The following CTSH variants were observed in gnomAD, a reference collection of about 807,000 sequenced individuals.
CTSH encodes the protein cathepsin H.
CTSH carries 52 observed loss-of-function variants against 56.3 expected under a neutral mutation model. The ratio of observed to expected loss-of-function variants is 0.92; its 90% confidence interval spans 0.74 to 1.16. The LOEUF (loss-of-function observed/expected upper bound fraction) is 1.16. Among genes scored for constraint, CTSH ranks in the 50% most tolerant of loss-of-function variants. CTSH has a pLI of 0.00. For missense variants in CTSH, 406 were observed against 424.5 expected (o/e 0.96, Z 0.38); for synonymous variants, 174 against 155.7 (o/e 1.12, Z -0.88).
chr15:78,944,848 AGGGCCTGCTAGCACCCTCTC>A (rs1212912845), intron 1 of CTSH, 23 bp downstream of exon 1: 6 of 1,535,676 alleles, frequency 3.9e-6, no homozygotes, highest in Non-Finnish European at 8.8e-7. Flanking sequence ...CGTCCACTCT[AGGGCCTGCTAGCACCCTCTC>A]GGGCGGCGCG....
intron 1 of CTSH, 121 bp downstream of exon 1, chr15:78,944,770 C>A: frequency 7.2e-7 from 1 of 1,384,224 alleles, no homozygotes; most frequent in Non-Finnish European, 9.4e-7. Context: ...GAGTTCCTGG[C>A]CTCTCACCGG....
intron 10 of CTSH, among the ~76,000 whole-genome samples, chr15:78,923,625 G>C (rs1462243044): frequency 6.6e-6 from 1 of 152,122 alleles, no homozygotes; most frequent in African/African-American, 2.4e-5. Flanking sequence ...TCTGTCAGGA[G>C]AATCTCCATA....
At chr15:78,935,803 GAAGA>G in intron 3 of CTSH, 53 bp from the exon 4 acceptor site, 1 of 1,334,080 alleles carries the variant, frequency 7.5e-7, no homozygotes. Context: ...AATCACTAAT[GAAGA>G]AACAAGAAAA....
At chr15:78,937,863 T>G in intron 2 of CTSH, 1 of 1,208,844 alleles carries the variant, frequency 8.3e-7, no homozygotes, top group Non-Finnish European at 1.1e-6. Flanking sequence ...GATATATAAC[T>G]GATGTACTTT....
At chr15:78,930,190 T>C (rs1256697164) in intron 7 of CTSH, among the ~76,000 whole-genome samples, 1 of 152,206 alleles carries the variant, frequency 6.6e-6, no homozygotes, top group Non-Finnish European at 1.5e-5. Context: ...GTTGTATGAA[T>C]GAGAAAAGGA....
intron 8 of CTSH, among the ~76,000 whole-genome samples, chr15:78,929,133 G>C (rs958111883): frequency 2.0e-5 from 3 of 152,126 alleles, no homozygotes; most frequent in South Asian, 2.1e-4. Flanking sequence ...GGGGCAGGTG[G>C]GGGGAAGGAG....
Position 78,932,450 on chromosome 15 carries a change from G to A in CTSH, c.414C>T (p.Cys138=), listed in dbSNP as rs776428294. The A allele has an allele frequency of 6.2e-6, 10 of 1,613,544 alleles. No homozygotes were observed. The highest frequency in any genetic ancestry group is 5.0e-5 in the Admixed American group (3 of 59,998). Residue 138 remains cysteine (C), a synonymous_variant, in exon 6 of 12, where the codon TGC becomes TGT. Transcript: ENST00000220166. The part of the protein sequence containing the change: ...FVSPVKNQGA[C]GSCWTFSTTG... Reference sequence around the variant, plus strand: ...TGGTGGAGAAAGTCCAGCAACTGCCGCAGGCACCCTGGAAAGGCCAGGGGA... The same window carrying A: ...TGGTGGAGAAAGTCCAGCAACTGCCACAGGCACCCTGGAAAGGCCAGGGGA...
chr15:78,939,036 T>C, intron 2 of CTSH, 104 bp downstream of exon 2: 4 of 1,093,920 alleles, frequency 3.7e-6, no homozygotes, highest in Non-Finnish European at 5.4e-6. Flanking sequence ...CTAGGCAAAG[T>C]TGGAAATTCC....
At chr15:78,931,739 G>A in intron 6 of CTSH, 2 of 1,428,708 alleles carry the variant, frequency 1.4e-6, no homozygotes, top group African/African-American at 2.9e-5. Context: ...GCCAGGGAAG[G>A]TGAGAGGGGG....
At chr15:78,933,310 C>A (rs1321923882) in intron 5 of CTSH, among the ~76,000 whole-genome samples, 2 of 152,226 alleles carry the variant, frequency 1.3e-5, no homozygotes, top group Non-Finnish European at 2.9e-5. Context: ...GGCGAGGGTT[C>A]CTGCTTGCAG....
chr15:78,934,921 G>A, intron 5 of CTSH, 57 bp downstream of exon 5: 1 of 1,098,722 alleles, frequency 9.1e-7, no homozygotes, highest in Non-Finnish European at 1.4e-6. Flanking sequence ...TCTTCCTGGT[G>A]TATTGTCTGG....
chr15:78,925,343 A>G lies in CTSH; in HGVS notation c.797T>C (p.Ile266Thr), dbSNP rs747159161. 1 of 1,609,504 alleles carries G rather than the reference A, an allele frequency of 6.2e-7. No homozygotes were observed. Among genetic ancestry groups the G allele is most frequent in the Non-Finnish European group, 8.5e-7 (1 of 1,175,940 alleles). Residue 266 changes from isoleucine (I) to threonine (T), a missense_variant, in exon 10 of 12, where the codon ATC (isoleucine) becomes ACC (threonine). Ile to Thr is a moderately conservative substitution (Grantham distance 89). Coordinates refer to ENST00000220166, the MANE Select transcript of CTSH (RefSeq NM_004390.5). ...TQDFMMYRTG[I>T]YSSTSCHKTP... ...TGGGACCCTGACTCACCTGGAGTAG[A>G]TGCCGGTTCTATACATCATGAAGTC...
At chr15:78,926,334 A>T (rs1236789734) in intron 9 of CTSH, 1 of 152,568 alleles carries the variant, frequency 6.6e-6, no homozygotes, top group East Asian at 1.9e-4. Flanking sequence ...TGGTATGTGG[A>T]CAAGGCCTTG....
At chr15:78,942,932 T>C (rs1463425588) in intron 1 of CTSH, among the ~76,000 whole-genome samples, 9 of 152,208 alleles carry the variant, frequency 5.9e-5, no homozygotes, top group Admixed American at 5.9e-4. Context: ...CCGTTTTCCC[T>C]GGGGAAAATG....
chr15:78,928,988 G>A (rs2054985366), intron 8 of CTSH, among the ~76,000 whole-genome samples: 1 of 152,170 alleles, frequency 6.6e-6, no homozygotes, highest in African/African-American at 2.4e-5. Context: ...CGGAGGTGAT[G>A]GTGGGAGGCC....
At chr15:78,942,134 T>G (rs1008459471) in intron 1 of CTSH, among the ~76,000 whole-genome samples, 6 of 152,074 alleles carry the variant, frequency 3.9e-5, no homozygotes, top group Admixed American at 6.5e-5. Context: ...GCAATGCCAC[T>G]TAATTCTTCG....
At chr15:78,937,257 T>C in intron 3 of CTSH, 61 bp downstream of exon 3, 2 of 1,458,640 alleles carry the variant, frequency 1.4e-6, no homozygotes, top group South Asian at 2.3e-5. Context: ...CAGCGGGCCC[T>C]TTCATGGGCT....
At chr15:78,939,265 G>A (rs1321438990) in intron 1 of CTSH, 94 bp from the exon 2 acceptor site, 16 of 980,036 alleles carry the variant, frequency 1.6e-5, no homozygotes, top group East Asian at 7.9e-5. Context: ...TTGCATTTTC[G>A]AAAACTGGAC....
At chr15:78,927,494 GA>G in intron 9 of CTSH, 2 of 580,150 alleles carry the variant, frequency 3.4e-6, no homozygotes, top group Non-Finnish European at 6.1e-6. Flanking sequence ...TGTGGATCTG[GA>G]GTTCAGAACC....
Sources: gnomAD v4.1 joint callset for allele counts (sites outside exome capture counted in the v4.1 genomes callset) on GRCh38, gnomAD v4.1.1 for gene constraint, MANE v1.5 for transcripts, NCBI Gene and HGNC (gene_info 2026-07-23, HGNC 2026-07-21) for gene names.